DYNC2H1: variants seen among roughly 807,000 people sequenced by gnomAD.
DYNC2H1 encodes cytoplasmic dynein 2 heavy chain 1.
A neutral mutation model predicts 570.0 loss-of-function variants in DYNC2H1; 410 were observed. That is an observed-to-expected ratio of 0.72 (90% CI 0.66 to 0.78). The LOEUF (loss-of-function observed/expected upper bound fraction) is 0.78, where lower values mean the gene tolerates loss of function less well. DYNC2H1 is among the 30% of genes least tolerant of loss of function. The pLI is 0.00. For missense variants in DYNC2H1, 4,865 were observed against 5,046.4 expected, an observed-to-expected ratio of 0.96 and a Z score of 1.09; for synonymous variants, 1,688 against 1,677.6, an observed-to-expected ratio of 1.01 and a Z score of -0.15.
At chr11:103,468,829 C>T (rs1945277352) in intron 88 of DYNC2H1, 124 bp downstream of exon 88, 3 of 672,014 alleles carry the variant, frequency 4.5e-6, no homozygotes, top group Non-Finnish European at 7.2e-6. Context: ...TGCATTTGAA[C>T]AAATTTGCAG....
rs1193106218 is a variant in DYNC2H1, at chr11:103,319,140, T to C, written c.11726-1889T>C. On this transcript the variant is annotated intron_variant, in intron 80 of 88. Coordinates refer to ENST00000375735, the MANE Select transcript of DYNC2H1 (RefSeq NM_001377.3). The surrounding 1 kb of genome is among the most constrained non-coding windows in gnomAD (Gnocchi z 4.3). ...AGCAAAACAGAATTTGAATGATGTATCATTGTGTTTCACGTTTGTGATAGA... is the reference window on the plus strand; with the variant it reads ...AGCAAAACAGAATTTGAATGATGTACCATTGTGTTTCACGTTTGTGATAGA... 6.6e-6 allele frequency among the ~76,000 whole-genome samples: 1 copy of C among 152,144 alleles called. No homozygotes were observed. Among genetic ancestry groups the C allele is most frequent in the African/African-American group, 2.4e-5 (1 of 41,458 alleles).
At chr11:103,442,641 A>G in intron 85 of DYNC2H1, among the ~76,000 whole-genome samples, 1 of 152,248 alleles carries the variant, frequency 6.6e-6, no homozygotes, top group South Asian at 2.1e-4. Flanking sequence ...CTGCTTGCAG[A>G]AGATAAATCT....
At chr11:103,158,455 T>TA (rs939408658) in intron 26 of DYNC2H1, among the ~76,000 whole-genome samples, 7 of 151,744 alleles carry the variant, frequency 4.6e-5, no homozygotes, top group African/African-American at 1.5e-4. Flanking sequence ...TCTCAAAAAA[T>TA]AAAAAAATTA....
chr11:103,234,859 A>G (rs1482629828), intron 61 of DYNC2H1, among the ~76,000 whole-genome samples: 2 of 151,864 alleles, frequency 1.3e-5, no homozygotes, highest in Non-Finnish European at 2.9e-5. Flanking sequence ...TCTTATTCCA[A>G]GTCTCCTTTA....
At chr11:103,301,314 C>A (rs1304231428) in intron 75 of DYNC2H1, among the ~76,000 whole-genome samples, 1 of 151,928 alleles carries the variant, frequency 6.6e-6, no homozygotes, top group Non-Finnish European at 1.5e-5. Context: ...CGTCCATATC[C>A]TGAATTGTTT....
rs1864559949 is a variant in DYNC2H1 at position 103,245,032 on chromosome 11, A to G, written c.9919-219A>G. The stretch of plus-strand genomic sequence containing the variant: ...ACCTATCCACCAAGAAAATTTTACT[A>G]GAATTCATCATCTTGCCTTTTTTCC... On this transcript the variant is annotated intron_variant, in intron 64 of 88. Coordinates refer to ENST00000375735, the MANE Select transcript of DYNC2H1 (RefSeq NM_001377.3). The surrounding 1 kb of genome is among the most constrained non-coding windows in gnomAD (Gnocchi z 4.5). Among the ~76,000 whole-genome samples, 1 of 151,834 alleles carries G rather than the reference A, an allele frequency of 6.6e-6. No individual in the cohort carries two copies. Among genetic ancestry groups the G allele is most frequent in the African/African-American group, 2.4e-5 (1 of 41,396 alleles).
At chr11:103,441,824 A>G (rs1944280713) in intron 85 of DYNC2H1, among the ~76,000 whole-genome samples, 1 of 152,082 alleles carries the variant, frequency 6.6e-6, no homozygotes. Context: ...TGTAAAAAGC[A>G]ATTTATTATA....
chr11:103,230,083 A>G (rs682851), intron 59 of DYNC2H1, among the ~76,000 whole-genome samples: 141,892 of 152,208 alleles, frequency 0.93, 66,170 homozygotes, highest in African/African-American at 0.94. Context: ...CTGTTTTGAC[A>G]GGTAATTTTG....
At position 103,369,346 on chromosome 11, in the gene DYNC2H1, ACTCTGGGG is replaced by A. The variant is rs1941049630; in HGVS notation, c.12156+10992_12156+10999del. ...AAGCCTCACCAAAGCAGGCGGAAGT[ACTCTGGGG>A]CTCTAAATAATCTTGAAAAGCAGTC... On this transcript the variant is annotated intron_variant, in intron 83 of 88. Transcript: ENST00000375735. This position sits in a 1 kb window ranked among gnomAD's most constrained non-coding sequence, Gnocchi z 4.0. Among the ~76,000 whole-genome samples the A allele has an allele frequency of 6.6e-6, 1 of 152,158 alleles. No individual in the cohort carries two copies. The highest frequency in any genetic ancestry group is 2.4e-5 in the African/African-American group (1 of 41,438).
chr11:103,311,061 G>A (rs1227764323), intron 78 of DYNC2H1, among the ~76,000 whole-genome samples: 1 of 151,832 alleles, frequency 6.6e-6, no homozygotes, highest in Non-Finnish European at 1.5e-5. Context: ...ATTTCAAAGG[G>A]GATGACTAAT....
At chr11:103,179,975 G>A (rs1861784530) in intron 39 of DYNC2H1, among the ~76,000 whole-genome samples, 1 of 151,558 alleles carries the variant, frequency 6.6e-6, no homozygotes, top group East Asian at 1.9e-4. Flanking sequence ...TTTAGGTGTT[G>A]TATGACATAT....
chr11:103,220,920 C>A, intron 57 of DYNC2H1, 137 bp downstream of exon 57: 1 of 754,738 alleles, frequency 1.3e-6, no homozygotes, highest in Non-Finnish European at 2.0e-6. Flanking sequence ...CTTGAAATTT[C>A]AAGGTATTCT....
Position 103,256,375 on chromosome 11 carries a change from A to G in DYNC2H1, c.10461+135A>G, listed in dbSNP as rs2135263588. ...AAAAGCTATTCAAAAACATCAGAAC[A>G]TTGGGTTTGATTCTAGTTATTGTAG... is the stretch of plus-strand genomic sequence containing the variant. On this transcript the variant is annotated intron_variant, in intron 68 of 88. Transcript: ENST00000375735. This position sits in a 1 kb window ranked among gnomAD's most constrained non-coding sequence, Gnocchi z 4.0. The G allele has an allele frequency of 1.2e-6, 1 of 854,428 alleles. No homozygotes were observed. Among genetic ancestry groups the G allele is most frequent in the Non-Finnish European group, 1.7e-6 (1 of 576,554 alleles). The allele number at this position is 854,428 out of a possible 1,614,324, so 52.9% of individuals were successfully genotyped here.
At chr11:103,137,446 G>T (rs1191611291) in intron 17 of DYNC2H1, among the ~76,000 whole-genome samples, 1 of 151,900 alleles carries the variant, frequency 6.6e-6, no homozygotes, top group Non-Finnish European at 1.5e-5. Flanking sequence ...TCTACATATG[G>T]TTAGCCAGTT....
At chr11:103,156,241 A>G (rs1860811867) in intron 25 of DYNC2H1, 147 bp from the exon 26 acceptor site, 3 of 703,526 alleles carry the variant, frequency 4.3e-6, no homozygotes, top group Non-Finnish European at 6.9e-6. Context: ...CTTGAGTTGC[A>G]TGTAAAATAG....
rs1373046140 is a variant in DYNC2H1 at position 103,311,945 on chromosome 11, A to G, written c.11561A>G (p.Lys3854Arg). 1 of 1,613,740 alleles carries G rather than the reference A, an allele frequency of 6.2e-7. No individual in the cohort carries two copies. Among genetic ancestry groups the G allele is most frequent in the Non-Finnish European group, 8.5e-7 (1 of 1,179,840 alleles). The change falls in exon 79 of 89, where the codon AAA becomes AGA. Residue 3854 changes from lysine to arginine, a missense_variant. Around this residue, in one of 5 missense-constraint regions of DYNC2H1, gnomAD observed 2,401 missense variants for 2,454.6 expected, o/e 0.98. Transcript: ENST00000375735. ...YESWTPEQIS[K>R]KDNTHRAHAL... ...TCTTGGACTCCTGAGCAAATTAGCA[A>G]AAAAGATAATACACATCGAGCTCAT... is the stretch of plus-strand genomic sequence containing the variant.
chr11:103,458,103 T>C (rs778674411), intron 87 of DYNC2H1, among the ~76,000 whole-genome samples: 3 of 152,226 alleles, frequency 2.0e-5, no homozygotes, highest in Non-Finnish European at 4.4e-5. Context: ...TCACCACTTA[T>C]TCACTGACTC....
chr11:103,259,481 T>A (rs1451270993), intron 69 of DYNC2H1, among the ~76,000 whole-genome samples: 1 of 152,184 alleles, frequency 6.6e-6, no homozygotes, highest in East Asian at 1.9e-4. Context: ...TCATTGAGGT[T>A]CCCATATTGA....
At chr11:103,360,513 C>T (rs1940587767) in intron 83 of DYNC2H1, among the ~76,000 whole-genome samples, 1 of 152,118 alleles carries the variant, frequency 6.6e-6, no homozygotes, top group African/African-American at 2.4e-5. Context: ...TATGTAAGCA[C>T]TCTCTTTTAA....
Sources: allele counts gnomAD v4.1 joint callset (sites outside exome capture counted in the v4.1 genomes callset), GRCh38; gene constraint gnomAD v4.1.1; regional missense constraint gnomAD v4.1.1; non-coding constraint Gnocchi (gnomAD v3.1); transcripts MANE v1.5; gene names NCBI Gene and HGNC (gene_info 2026-07-23, HGNC 2026-07-21).